The following SLC25A26 variants were observed in gnomAD, a reference collection of about 807,000 sequenced individuals.
SLC25A26 encodes solute carrier family 25 member 26.
In SLC25A26, 36 loss-of-function variants were observed where a neutral mutation model predicts 37.8. The observed-to-expected ratio is 0.95, with a 90% confidence interval of 0.73 to 1.26. The LOEUF (loss-of-function observed/expected upper bound fraction) is 1.26, where lower values mean the gene tolerates loss of function less well. SLC25A26 is among the 50% of genes most tolerant of loss of function. The pLI is 0.00. For missense variants in SLC25A26, 390 were observed against 331.1 expected, an observed-to-expected ratio of 1.18 and a Z score of -1.38; for synonymous variants, 129 against 122.5, an observed-to-expected ratio of 1.05 and a Z score of -0.35.
At chr3:66,368,953 T>C (rs1700183452) in intron 7 of SLC25A26, among the ~76,000 whole-genome samples, 1 of 145,970 alleles carries the variant, frequency 6.9e-6, no homozygotes, top group Non-Finnish European at 1.5e-5. Flanking sequence ...CCTAGGAGGG[T>C]GAGGCTGCAG....
intron 1 of SLC25A26, among the ~76,000 whole-genome samples, chr3:66,190,807 C>T (rs1368078046): frequency 6.6e-6 from 1 of 152,186 alleles, no homozygotes; most frequent in East Asian, 1.9e-4. Flanking sequence ...TCAATGATAT[C>T]TGCTTTAACT....
In SLC25A26 at chr3:66,221,074, C is replaced by T. The variant is rs1553658115; in HGVS notation, c.-21C>T. ...CTTCTGCTCCGGCTTGGATTGTAGC[C>T]TTGACGAGGTCTGAGCGACCATGGA... On this transcript the variant is annotated 5_prime_UTR_variant, in exon 1 of 10. Coordinates refer to ENST00000354883, the MANE Select transcript of SLC25A26 (RefSeq NM_001379210.1). 3 of 1,535,136 alleles carry T rather than the reference C, an allele frequency of 2.0e-6. No homozygotes were observed. The highest frequency in any genetic ancestry group is 2.4e-5 in the South Asian group (2 of 84,030).
chr3:66,148,979 A>T (rs1219710234), intron 1 of SLC25A26, among the ~76,000 whole-genome samples: 1 of 152,196 alleles, frequency 6.6e-6, no homozygotes, highest in Non-Finnish European at 1.5e-5. Flanking sequence ...GTTTTTAAAA[A>T]TCTATCCTTT....
At chr3:66,348,489 A>G (rs756659912) in intron 6 of SLC25A26, among the ~76,000 whole-genome samples, 7 of 152,146 alleles carry the variant, frequency 4.6e-5, no homozygotes, top group Non-Finnish European at 1.0e-4. Context: ...CCAGGCTATA[A>G]AATAATCTAG....
At chr3:66,135,636 A>G (rs2069935276) in intron 1 of SLC25A26, among the ~76,000 whole-genome samples, 1 of 152,158 alleles carries the variant, frequency 6.6e-6, no homozygotes, top group African/African-American at 2.4e-5. Context: ...GCATGGTGGC[A>G]TGTACTTGTA....
chr3:66,144,304 TACAGTTTCTA>T (rs1264792092), intron 1 of SLC25A26, among the ~76,000 whole-genome samples: 3 of 152,266 alleles, frequency 2.0e-5, no homozygotes, highest in African/African-American at 7.2e-5. Context: ...TGAGTGTAAG[TACAGTTTCTA>T]ACACCACAAT....
chr3:66,170,801 T>G (rs967788494), intron 1 of SLC25A26, among the ~76,000 whole-genome samples: 15 of 124,342 alleles, frequency 1.2e-4, no homozygotes, highest in East Asian at 4.7e-4. Context: ...GTTTTTTTTT[T>G]TTTTTTTTTT....
At chr3:66,232,073 G>A (rs954342413) in intron 1 of SLC25A26, among the ~76,000 whole-genome samples, 1 of 152,146 alleles carries the variant, frequency 6.6e-6, no homozygotes. Context: ...AGACATTCTT[G>A]TATATTTGTG....
intron 1 of SLC25A26, among the ~76,000 whole-genome samples, chr3:66,204,134 C>T (rs1358298792): frequency 6.6e-6 from 1 of 152,076 alleles, no homozygotes; most frequent in African/African-American, 2.4e-5. Context: ...GCATGAAAAT[C>T]ACGAGAATGG....
rs1382487733 is a variant in SLC25A26, at chr3:66,250,617, C to T, written c.300+7305C>T. On this transcript the variant is annotated intron_variant, in intron 3 of 9. Transcript: ENST00000354883. ...AGGCAAGGCTAAAGCAATGATGTTCCGTAGGTTGGGGGGTATCACATGCGT... is the reference window on the plus strand; with the variant it reads ...AGGCAAGGCTAAAGCAATGATGTTCTGTAGGTTGGGGGGTATCACATGCGT... Among the ~76,000 whole-genome samples the T allele has an allele frequency of 5.5e-5, 7 of 127,702 alleles. No homozygotes were observed. The East Asian group carries it at 6.8e-4, about 12-fold the overall frequency. 83.8% of individuals were successfully genotyped at this position (127,702 alleles called of 152,430 possible). A position where few individuals can be genotyped will look rare whatever the true frequency, so the allele number is the denominator to read the frequency against.
chr3:66,226,415 G>C (rs2071754162), intron 1 of SLC25A26, among the ~76,000 whole-genome samples: 1 of 152,058 alleles, frequency 6.6e-6, no homozygotes, highest in South Asian at 2.1e-4. Flanking sequence ...GGAATTATGG[G>C]AGCTACAATT....
intron 5 of SLC25A26, among the ~76,000 whole-genome samples, chr3:66,292,344 C>T (rs1173411542): frequency 9.2e-5 from 14 of 151,880 alleles, no homozygotes; most frequent in South Asian, 2.1e-4. Flanking sequence ...CCTGTTGTTA[C>T]GATGCTAGGC....
intron 5 of SLC25A26, among the ~76,000 whole-genome samples, chr3:66,334,586 G>A (rs575918834): frequency 1.3e-5 from 2 of 152,312 alleles, no homozygotes; most frequent in East Asian, 3.9e-4. Context: ...AAAGTGCTAG[G>A]ATTATAGGTG....
At chr3:66,308,695 G>A (rs6549486) in intron 5 of SLC25A26, among the ~76,000 whole-genome samples, 7,668 of 151,602 alleles carry the variant, frequency 0.051, 614 homozygotes, top group African/African-American at 0.18. Context: ...CATATATTCC[G>A]TAACTGTTCC....
intron 3 of SLC25A26, among the ~76,000 whole-genome samples, chr3:66,245,262 A>C (rs868991568): frequency 1.3e-5 from 2 of 151,880 alleles, no homozygotes; most frequent in Non-Finnish European, 1.5e-5. Context: ...AAAAAAAAAA[A>C]AAAAACAAAA....
intron 1 of SLC25A26, among the ~76,000 whole-genome samples, chr3:66,177,594 C>T (rs911107717): frequency 5.9e-5 from 9 of 152,330 alleles, no homozygotes; most frequent in Admixed American, 2.6e-4. Flanking sequence ...GCTGTGGGTC[C>T]CTTTATTTCT....
intron 1 of SLC25A26, among the ~76,000 whole-genome samples, chr3:66,140,076 G>A (rs1300815612): frequency 6.6e-6 from 1 of 152,170 alleles, no homozygotes; most frequent in African/African-American, 2.4e-5. Context: ...GCTGGTTCTA[G>A]TGCTCAGAAT....
At chr3:66,164,096 G>A (rs1313009146) in intron 1 of SLC25A26, among the ~76,000 whole-genome samples, 4 of 152,084 alleles carry the variant, frequency 2.6e-5, no homozygotes, top group African/African-American at 9.7e-5. Context: ...TATATTCCAG[G>A]CCTATTGTAG....
At chr3:66,308,842 G>A (rs968923503) in intron 5 of SLC25A26, among the ~76,000 whole-genome samples, 8 of 152,138 alleles carry the variant, frequency 5.3e-5, no homozygotes, top group Non-Finnish European at 1.0e-4. Flanking sequence ...TATGTTTATT[G>A]ATTTGTATAT....
Sources: gnomAD v4.1 joint callset for allele counts (sites outside exome capture counted in the v4.1 genomes callset) on GRCh38, gnomAD v4.1.1 for gene constraint, MANE v1.5 for transcripts, NCBI Gene and HGNC (gene_info 2026-07-23, HGNC 2026-07-21) for gene names.